The following ITFG1 variants were observed in gnomAD, a reference collection of about 807,000 sequenced individuals.
ITFG1 encodes the protein integrin alpha FG-GAP repeat containing 1.
Under a neutral mutation model 81.8 loss-of-function variants are expected in ITFG1, and 34 were observed. That is an observed-to-expected ratio of 0.42 (90% CI 0.32 to 0.55). ITFG1 has a LOEUF of 0.55. Ranked by LOEUF, ITFG1 falls within the 20% of genes least tolerant of loss-of-function variation. The pLI is 0.17. For missense variants in ITFG1, 672 were observed against 755.4 expected, an observed-to-expected ratio of 0.89 and a Z score of 1.29; for synonymous variants, 285 against 270.6, an observed-to-expected ratio of 1.05 and a Z score of -0.52.
At chr16:47,163,934 CACACACACACACACACACAT>C (rs900949647) in intron 14 of ITFG1, among the ~76,000 whole-genome samples, 4 of 148,318 alleles carry the variant, frequency 2.7e-5, no homozygotes, top group African/African-American at 7.8e-5. Context: ...CACACACACA[CACACACACACACACACACAT>C]ACACACACAC....
At chr16:47,419,601 C>CTTTT (rs34405979) in intron 6 of ITFG1, among the ~76,000 whole-genome samples, 16 of 81,990 alleles carry the variant, frequency 2.0e-4, no homozygotes, top group Admixed American at 3.1e-4. Context: ...TACTTCAGGT[C>CTTTT]TTTTTTTTTT....
chr16:47,298,132 C>T (rs1025255088), intron 10 of ITFG1, among the ~76,000 whole-genome samples: 1 of 151,848 alleles, frequency 6.6e-6, no homozygotes, highest in Non-Finnish European at 1.5e-5. Context: ...TGTTTAATTC[C>T]TTCAATAATT....
At chr16:47,369,464 C>T (rs966107579) in intron 7 of ITFG1, among the ~76,000 whole-genome samples, 2 of 152,164 alleles carry the variant, frequency 1.3e-5, no homozygotes, top group African/African-American at 2.4e-5. Flanking sequence ...CAAAATGCAA[C>T]GTATCAGGCA....
intron 8 of ITFG1, among the ~76,000 whole-genome samples, chr16:47,353,867 G>A (rs1293501943): frequency 6.6e-6 from 1 of 152,020 alleles, no homozygotes; most frequent in African/African-American, 2.4e-5. Context: ...CTAGAAAATT[G>A]ATGAAAGAAA....
intron 8 of ITFG1, among the ~76,000 whole-genome samples, chr16:47,315,798 TA>T (rs1308998744): frequency 2.0e-5 from 3 of 150,278 alleles, no homozygotes; most frequent in African/African-American, 2.5e-5. Context: ...TATAATTTAT[TA>T]TTTTTTTTTG....
chr16:47,302,380 AT>A (rs755492872), intron 10 of ITFG1, among the ~76,000 whole-genome samples: 3,150 of 144,512 alleles, frequency 0.022, 85 homozygotes, highest in African/African-American at 0.065. Context: ...CATTTTTGGT[AT>A]TTTTTTTTTT....
chr16:47,407,929 C>G (rs1357089302), intron 6 of ITFG1, among the ~76,000 whole-genome samples: 1 of 149,840 alleles, frequency 6.7e-6, no homozygotes, highest in African/African-American at 2.5e-5. Context: ...ATGAGATCAC[C>G]AAGAGTGTGC....
intron 6 of ITFG1, among the ~76,000 whole-genome samples, chr16:47,408,710 C>T (rs1056669094): frequency 1.4e-4 from 22 of 152,140 alleles, no homozygotes; most frequent in Admixed American, 5.9e-4. Flanking sequence ...CTTATCTTGA[C>T]TGGATATATG....
intron 10 of ITFG1, among the ~76,000 whole-genome samples, chr16:47,297,467 C>G (rs2151557867): frequency 6.6e-6 from 1 of 152,202 alleles, no homozygotes; most frequent in Admixed American, 6.5e-5. Context: ...GTGGTAAGTA[C>G]TAACCCTTTG....
chr16:47,332,591 T>C (rs1397520389), intron 8 of ITFG1, among the ~76,000 whole-genome samples: 1 of 152,220 alleles, frequency 6.6e-6, no homozygotes, highest in Non-Finnish European at 1.5e-5. Context: ...TCTCACTGAT[T>C]TCAAATTACA....
At chr16:47,408,160 C>A (rs955011612) in intron 6 of ITFG1, among the ~76,000 whole-genome samples, 7 of 152,112 alleles carry the variant, frequency 4.6e-5, no homozygotes, top group African/African-American at 1.7e-4. Context: ...TTATTTGAGT[C>A]TGGTGATCTT....
intron 12 of ITFG1, among the ~76,000 whole-genome samples, chr16:47,253,828 CG>C: frequency 6.6e-6 from 1 of 152,224 alleles, no homozygotes; most frequent in Middle Eastern, 3.4e-3. Context: ...GCCCTCCGGC[CG>C]TTCACCTCCT....
At chr16:47,321,745 C>T (rs936378037) in intron 8 of ITFG1, among the ~76,000 whole-genome samples, 8 of 151,694 alleles carry the variant, frequency 5.3e-5, no homozygotes, top group African/African-American at 1.7e-4. Flanking sequence ...TAGGAAACAA[C>T]GATTATTATA....
intron 13 of ITFG1, among the ~76,000 whole-genome samples, chr16:47,219,875 C>CAT (rs1177031080): frequency 6.6e-6 from 1 of 152,124 alleles, no homozygotes; most frequent in Non-Finnish European, 1.5e-5. Context: ...TGGAATTACT[C>CAT]ATAAGACATT....
intron 6 of ITFG1, among the ~76,000 whole-genome samples, chr16:47,413,583 C>A (rs781574050): frequency 2.0e-5 from 3 of 152,046 alleles, no homozygotes; most frequent in Non-Finnish European, 4.4e-5. Context: ...GTAATCCCAT[C>A]TACTTGGGAG....
At chr16:47,406,227 G>C (rs1413040464) in intron 6 of ITFG1, among the ~76,000 whole-genome samples, 1 of 152,260 alleles carries the variant, frequency 6.6e-6, no homozygotes, top group East Asian at 1.9e-4. Flanking sequence ...TCTTAAGGTT[G>C]GAGTGATTTA....
intron 14 of ITFG1, among the ~76,000 whole-genome samples, chr16:47,185,992 A>G (rs1308676561): frequency 1.3e-5 from 2 of 152,254 alleles, no homozygotes; most frequent in Non-Finnish European, 2.9e-5. Context: ...CTCTATGCAA[A>G]TAAACTAGAA....
intron 8 of ITFG1, among the ~76,000 whole-genome samples, chr16:47,327,041 A>C (rs953035154): frequency 3.3e-4 from 51 of 152,338 alleles, no homozygotes; most frequent in African/African-American, 1.2e-3. Context: ...AAAAGAAGAA[A>C]GGTGGAGGCA....
chr16:47,282,905 A>G (rs566623175), intron 10 of ITFG1, among the ~76,000 whole-genome samples: 1 of 151,984 alleles, frequency 6.6e-6, no homozygotes, highest in South Asian at 2.1e-4. Flanking sequence ...ATGTTTGTTC[A>G]TGTCCTTTGC....
Sources: gnomAD v4.1 joint callset for allele counts (sites outside exome capture counted in the v4.1 genomes callset) on GRCh38, gnomAD v4.1.1 for gene constraint, MANE v1.5 for transcripts, NCBI Gene and HGNC (gene_info 2026-07-23, HGNC 2026-07-21) for gene names.